ADAMTSL1: variants seen among roughly 807,000 people sequenced by gnomAD.
ADAMTSL1 encodes ADAMTS like 1, also known as ADAMTS-like protein 1.
ADAMTSL1 carries 126 observed loss-of-function variants against 201.8 expected under a neutral mutation model. The observed-to-expected ratio is 0.62, with a 90% CI of 0.54 to 0.72. ADAMTSL1 has a LOEUF of 0.72. Ranked by LOEUF, ADAMTSL1 falls within the 30% of genes least tolerant of loss-of-function variation. The pLI, the probability that ADAMTSL1 is intolerant of heterozygous loss-of-function variation, is 0.00. For synonymous variants in ADAMTSL1, 1,121 were observed against 903.4 expected (o/e 1.24, Z -4.32); for missense variants, 2,679 against 2,277.8 (o/e 1.18, Z -3.59).
chr9:18,711,290 A>G (rs1832573627), intron 14 of ADAMTSL1, among the ~76,000 whole-genome samples: 1 of 152,224 alleles, frequency 6.6e-6, no homozygotes, highest in Non-Finnish European at 1.5e-5. Flanking sequence ...TCCCAGCGTG[A>G]GCTACGCAGA....
intron 3 of ADAMTSL1, chr9:18,573,432 T>A (rs1822469160): frequency 1.3e-5 from 2 of 155,710 alleles, no homozygotes; most frequent in Admixed American, 1.3e-4. Context: ...CTTTCCATTC[T>A]GCCATGCTGC....
At chr9:18,551,270 C>A (rs928990583) in intron 3 of ADAMTSL1, among the ~76,000 whole-genome samples, 1 of 151,726 alleles carries the variant, frequency 6.6e-6, no homozygotes. Context: ...AGAATATACC[C>A]AACTTGCTCA....
chr9:18,889,135 C>T (rs1829083085), intron 24 of ADAMTSL1, among the ~76,000 whole-genome samples: 1 of 152,206 alleles, frequency 6.6e-6, no homozygotes, highest in South Asian at 2.1e-4. Flanking sequence ...CAAATCTGTA[C>T]TGTGATGGTT....
intron 7 of ADAMTSL1, among the ~76,000 whole-genome samples, chr9:18,642,805 T>C (rs1827535661): frequency 6.6e-6 from 1 of 152,146 alleles, no homozygotes; most frequent in African/African-American, 2.4e-5. Flanking sequence ...TGTGCATACA[T>C]ATTACATTTT....
chr9:18,313,044 T>C (rs1257669599), intron 2 of ADAMTSL1, among the ~76,000 whole-genome samples: 5 of 152,192 alleles, frequency 3.3e-5, no homozygotes, highest in African/African-American at 9.6e-5. Context: ...TGGCCTGAAA[T>C]AGCTCTTTAA....
chr9:18,522,240 A>C (rs1346042793), intron 2 of ADAMTSL1, among the ~76,000 whole-genome samples: 1 of 152,152 alleles, frequency 6.6e-6, no homozygotes, highest in Non-Finnish European at 1.5e-5. Context: ...ATACCTCAGC[A>C]TCATGCAGTA....
intron 2 of ADAMTSL1, among the ~76,000 whole-genome samples, chr9:18,454,995 C>A (rs1040933279): frequency 1.3e-5 from 2 of 152,130 alleles, no homozygotes; most frequent in African/African-American, 4.8e-5. Context: ...CTTCCCCACC[C>A]CCACCTTGCA....
Position 18,155,633 on chromosome 9 carries a change from T to C in ADAMTSL1, c.88-8229T>C, listed in dbSNP as rs1292104604. On this transcript the variant is annotated intron_variant, in intron 1 of 29. Coordinates refer to the ADAMTSL1 transcript ENST00000680146. ...ATGCCTCAAGACAATTCTTCTTCCA[T>C]GTGGCCTAGAGAAGCCAAAAGATTG... is the stretch of plus-strand genomic sequence containing the variant. 2.6e-5 allele frequency among the ~76,000 whole-genome samples: 4 copies of C among 152,060 alleles called. No homozygotes were observed. The East Asian group carries it at 7.7e-4, about 29-fold the overall frequency.
At chr9:18,503,964 TATA>T (rs1822985531) in intron 1 of ADAMTSL1, among the ~76,000 whole-genome samples, 1 of 145,840 alleles carries the variant, frequency 6.9e-6, no homozygotes, top group Non-Finnish European at 1.5e-5. Context: ...GATCTTCCTA[TATA>T]ATATGTGCAT....
intron 1 of ADAMTSL1, among the ~76,000 whole-genome samples, chr9:17,953,161 T>A (rs1182244709): frequency 1.3e-5 from 2 of 152,070 alleles, no homozygotes; most frequent in Non-Finnish European, 2.9e-5. Flanking sequence ...AAAGTTCAGG[T>A]TCTTACTGCT....
At chr9:18,794,480 A>G (rs1010478664) in intron 19 of ADAMTSL1, among the ~76,000 whole-genome samples, 3 of 152,100 alleles carry the variant, frequency 2.0e-5, no homozygotes, top group African/African-American at 7.2e-5. Context: ...CAGCTAAATA[A>G]AGACAATAGA....
intron 1 of ADAMTSL1, among the ~76,000 whole-genome samples, chr9:17,926,548 A>T (rs552891298): frequency 6.6e-6 from 1 of 152,304 alleles, no homozygotes; most frequent in South Asian, 2.1e-4. Flanking sequence ...ACTTCCACTC[A>T]GAGGTGACAC....
intron 2 of ADAMTSL1, among the ~76,000 whole-genome samples, chr9:18,350,198 A>G (rs1349609376): frequency 6.6e-6 from 1 of 152,010 alleles, no homozygotes; most frequent in African/African-American, 2.4e-5. Flanking sequence ...GAACCACAAA[A>G]TACTCTTCAT....
intron 1 of ADAMTSL1, among the ~76,000 whole-genome samples, chr9:18,156,765 T>A (rs1224672265): frequency 1.3e-5 from 2 of 152,040 alleles, no homozygotes; most frequent in Admixed American, 1.3e-4. Flanking sequence ...CTCTTATGTT[T>A]CATGTGTTCT....
At chr9:18,579,784 G>A (rs889681510) in intron 4 of ADAMTSL1, among the ~76,000 whole-genome samples, 1 of 152,152 alleles carries the variant, frequency 6.6e-6, no homozygotes, top group Non-Finnish European at 1.5e-5. Flanking sequence ...CAGAGTTAAT[G>A]AGCCATCACA....
At chr9:18,552,876 A>C (rs548784865) in intron 3 of ADAMTSL1, among the ~76,000 whole-genome samples, 5 of 151,014 alleles carry the variant, frequency 3.3e-5, no homozygotes, top group African/African-American at 1.2e-4. Flanking sequence ...ATCTTTTTCT[A>C]CTCCTTTACT....
At chr9:17,978,334 A>G (rs960123934) in intron 1 of ADAMTSL1, among the ~76,000 whole-genome samples, 1 of 151,740 alleles carries the variant, frequency 6.6e-6, no homozygotes, top group Non-Finnish European at 1.5e-5. Flanking sequence ...TGTTGTGTCC[A>G]TTGTTTTCTG....
chr9:18,421,030 A>T (rs1000624194), intron 2 of ADAMTSL1, among the ~76,000 whole-genome samples: 2 of 152,078 alleles, frequency 1.3e-5, no homozygotes, highest in African/African-American at 4.8e-5. Context: ...GCAGACTGGG[A>T]CTGGAACGTC....
intron 8 of ADAMTSL1, 97 bp from the exon 9 acceptor site, chr9:18,661,838 G>A (rs1214859251): frequency 3.9e-6 from 5 of 1,283,306 alleles, no homozygotes; most frequent in Middle Eastern, 2.2e-4. Context: ...AGGCATTGGG[G>A]AATAATTTCC....
Sources: allele counts gnomAD v4.1 joint callset (sites outside exome capture counted in the v4.1 genomes callset), GRCh38; gene constraint gnomAD v4.1.1; transcripts MANE v1.5; gene names NCBI Gene and HGNC (gene_info 2026-07-23, HGNC 2026-07-21).